Variants in PLCH1 observed in about 807,000 individuals in gnomAD.
PLCH1 encodes 1-phosphatidylinositol 4,5-bisphosphate phosphodiesterase eta-1.
Under a neutral mutation model 126.7 loss-of-function variants are expected in PLCH1, and 60 were observed. That is an observed-to-expected ratio of 0.47 (90% CI 0.38 to 0.59). The LOEUF is 0.59. Among genes scored for constraint, PLCH1 ranks in the 20% least tolerant of loss-of-function variants. PLCH1 has a pLI of 0.00. For synonymous variants in PLCH1, 719 were observed against 734.9 expected, an observed-to-expected ratio of 0.98 and a Z score of 0.35; for missense variants, 1,723 against 2,040.0, an observed-to-expected ratio of 0.84 and a Z score of 2.99.
At chr3:155,685,529 G>A (rs2109025478) in intron 2 of PLCH1, among the ~76,000 whole-genome samples, 1 of 152,286 alleles carries the variant, frequency 6.6e-6, no homozygotes, top group East Asian at 1.9e-4. Context: ...TGGAAGAAGA[G>A]TTAAGGGGCA....
chr3:155,664,571 T>C (rs1048863714), intron 2 of PLCH1, among the ~76,000 whole-genome samples: 15 of 152,310 alleles, frequency 9.8e-5, no homozygotes, highest in African/African-American at 3.1e-4. Context: ...TATGGCTATG[T>C]TTGGGTTGTA....
intron 1 of PLCH1, among the ~76,000 whole-genome samples, chr3:155,712,508 A>C (rs1400251177): frequency 6.6e-6 from 1 of 152,198 alleles, no homozygotes; most frequent in Non-Finnish European, 1.5e-5. Context: ...AAGACAAATT[A>C]TCCCAGTTCA....
At position 155,471,740 on chromosome 3, in the gene PLCH1, G is replaced by A. The variant is rs567717159; in HGVS notation, c.2938+13616C>T. Among the ~76,000 whole-genome samples, 35 of 151,818 alleles carry A rather than the reference G, an allele frequency of 2.3e-4. No homozygotes were observed. The South Asian group carries it at 5.5e-3, about 24-fold the overall frequency. ...ATAACAAACTATCTCTCAGACCACA[G>A]TGCAATCAAACTAGAACTCAGGATT... On this transcript the variant is annotated intron_variant, in intron 21 of 21. Transcript: ENST00000494598.
At chr3:155,644,638 G>A (rs1739797609) in intron 2 of PLCH1, among the ~76,000 whole-genome samples, 1 of 151,952 alleles carries the variant, frequency 6.6e-6, no homozygotes, top group African/African-American at 2.4e-5. Context: ...AAAAATAAAA[G>A]TACTAATTCC....
intron 2 of PLCH1, among the ~76,000 whole-genome samples, chr3:155,603,001 A>C: frequency 6.6e-6 from 1 of 152,174 alleles, no homozygotes; most frequent in South Asian, 2.1e-4. Context: ...GCTACAAAAG[A>C]ACCTTGAGAC....
At chr3:155,550,282 T>C (rs1195501205) in intron 9 of PLCH1, among the ~76,000 whole-genome samples, 1 of 152,214 alleles carries the variant, frequency 6.6e-6, no homozygotes, top group Non-Finnish European at 1.5e-5. Flanking sequence ...AGATGAGAAG[T>C]CTAAAGAAAG....
chr3:155,520,722 T>C (rs573503796), intron 11 of PLCH1, among the ~76,000 whole-genome samples: 1 of 152,360 alleles, frequency 6.6e-6, no homozygotes, highest in South Asian at 2.1e-4. Flanking sequence ...ACTTGTCCTC[T>C]GTGTCTCTGA....
At chr3:155,733,304 C>T (rs551237312) in intron 1 of PLCH1, among the ~76,000 whole-genome samples, 3 of 152,212 alleles carry the variant, frequency 2.0e-5, no homozygotes, top group Admixed American at 6.5e-5. Flanking sequence ...ATCATGCTAC[C>T]TGATTTCAAA....
At chr3:155,593,790 T>C in intron 4 of PLCH1, 151 bp downstream of exon 4, 3 of 700,710 alleles carry the variant, frequency 4.3e-6, no homozygotes, top group Non-Finnish European at 7.0e-6. Flanking sequence ...GGAGTGAGAG[T>C]CAGGAGGGGA....
In PLCH1 at chr3:155,571,033, C is replaced by T. The variant is rs918492554; in HGVS notation, c.772-2709G>A. On this transcript the variant is annotated intron_variant, in intron 6 of 22. Coordinates refer to ENST00000460012, the MANE Select transcript of PLCH1 (RefSeq NM_014996.4). ...TAAAGGACAACTAATTTCAGATAAA[C>T]AAGTTGTAGAAACTAGTCATAGATC... 5.2e-4 allele frequency among the ~76,000 whole-genome samples: 79 copies of T among 152,152 alleles called. 1 individual carries two copies. Among genetic ancestry groups the T allele is most frequent in the African/African-American group, 1.9e-3 (78 of 41,436 alleles).
intron 2 of PLCH1, among the ~76,000 whole-genome samples, chr3:155,639,129 T>G (rs992481438): frequency 6.6e-6 from 1 of 152,162 alleles, no homozygotes; most frequent in Admixed American, 6.5e-5. Context: ...ACCACCTTGT[T>G]GGAAAGATAG....
At chr3:155,557,364 C>G (rs1414849613) in intron 8 of PLCH1, among the ~76,000 whole-genome samples, 1 of 152,112 alleles carries the variant, frequency 6.6e-6, no homozygotes, top group Admixed American at 6.6e-5. Flanking sequence ...CAAAAGAATG[C>G]AAAGGCGACA....
chr3:155,473,808 A>G (rs1222823362), intron 21 of PLCH1, among the ~76,000 whole-genome samples: 2 of 150,988 alleles, frequency 1.3e-5, no homozygotes, highest in South Asian at 2.1e-4. Flanking sequence ...CAAACCTGAG[A>G]AAAACAAGCA....
At chr3:155,643,137 C>T (rs531797132) in intron 2 of PLCH1, among the ~76,000 whole-genome samples, 20 of 152,092 alleles carry the variant, frequency 1.3e-4, no homozygotes, top group East Asian at 7.8e-4. Context: ...TTAGTAGAGG[C>T]GGGGTTTCAC....
At chr3:155,577,311 A>T (rs972936205) in intron 6 of PLCH1, among the ~76,000 whole-genome samples, 1 of 152,160 alleles carries the variant, frequency 6.6e-6, no homozygotes, top group Non-Finnish European at 1.5e-5. Flanking sequence ...ATAAAGGGTG[A>T]ACATTTTCAT....
rs778561751 is a variant in PLCH1 at position 155,612,329 on chromosome 3, C to CA, written c.80-15952dup. On this transcript the variant is annotated intron_variant, in intron 2 of 22. Transcript: ENST00000460012. ...AGGCAACAAGAGTGAAACTCTGTCT[C>CA]AAAAAAAAAAAAAAAAGAAGAGGAA... 5.8e-3 allele frequency among the ~76,000 whole-genome samples: 533 copies of CA among 92,264 alleles called. 5 individuals carry two copies. The highest frequency in any genetic ancestry group is 0.02 in the East Asian group (63 of 3,100). 60.5% of individuals were successfully genotyped at this position (92,264 alleles called of 152,430 possible). A position where few individuals can be genotyped will look rare whatever the true frequency, so the allele number is the denominator to read the frequency against.
chr3:155,682,573 G>C (rs963206449), intron 2 of PLCH1, among the ~76,000 whole-genome samples: 6 of 152,210 alleles, frequency 3.9e-5, no homozygotes, highest in Admixed American at 3.9e-4. Flanking sequence ...ACATGAGCCT[G>C]ACAGCAACTA....
At chr3:155,504,354 C>T (rs888982257) in intron 13 of PLCH1, among the ~76,000 whole-genome samples, 2 of 152,080 alleles carry the variant, frequency 1.3e-5, no homozygotes, top group Non-Finnish European at 2.9e-5. Context: ...TATTCTTTCC[C>T]AGTATGCAAC....
intron 1 of PLCH1, among the ~76,000 whole-genome samples, chr3:155,711,592 T>A (rs1010572610): frequency 6.6e-6 from 1 of 152,208 alleles, no homozygotes; most frequent in African/African-American, 2.4e-5. Flanking sequence ...TCTGCTGATT[T>A]TTCGCTCCTC....
Sources: allele counts gnomAD v4.1 joint callset (sites outside exome capture counted in the v4.1 genomes callset), GRCh38; gene constraint gnomAD v4.1.1; transcripts MANE v1.5; gene names NCBI Gene and HGNC (gene_info 2026-07-23, HGNC 2026-07-21).